Variants in THSD7B observed in about 807,000 individuals in gnomAD.
THSD7B encodes thrombospondin type-1 domain-containing protein 7B.
Under a neutral mutation model 213.6 loss-of-function variants are expected in THSD7B, and 138 were observed. The observed-to-expected ratio is 0.65, with a 90% confidence interval of 0.56 to 0.74. THSD7B has a LOEUF of 0.74. THSD7B is among the 30% of genes least tolerant of loss of function. The pLI is 0.00. For synonymous variants in THSD7B, 742 were observed against 687.0 expected (o/e 1.08, Z -1.25); for missense variants, 1,931 against 1,991.5 (o/e 0.97, Z 0.58).
chr2:137,590,502 G>A (rs749451546), intron 17 of THSD7B, among the ~76,000 whole-genome samples: 14 of 152,026 alleles, frequency 9.2e-5, no homozygotes, highest in African/African-American at 2.2e-4. Flanking sequence ...TGCATGTGTC[G>A]CAATGAGTAT....
chr2:137,443,640 C>T (rs1687466211), intron 14 of THSD7B, among the ~76,000 whole-genome samples: 1 of 151,974 alleles, frequency 6.6e-6, no homozygotes, highest in Non-Finnish European at 1.5e-5. Flanking sequence ...AGTGAACTAT[C>T]TCAACCAAGT....
chr2:137,343,162 G>A (rs561367250), intron 12 of THSD7B, among the ~76,000 whole-genome samples: 1 of 148,326 alleles, frequency 6.7e-6, no homozygotes, highest in African/African-American at 2.5e-5. Flanking sequence ...TTTTTTTGTT[G>A]TTTTTGTTTT....
chr2:136,796,988 A>T (rs1682079141), intron 1 of THSD7B, among the ~76,000 whole-genome samples: 1 of 138,514 alleles, frequency 7.2e-6, no homozygotes, highest in South Asian at 2.2e-4. Context: ...GATCACACAC[A>T]CACACACACA....
intron 15 of THSD7B, among the ~76,000 whole-genome samples, chr2:137,470,200 T>C (rs192682275): frequency 6.6e-4 from 100 of 152,282 alleles, no homozygotes; most frequent in African/African-American, 2.3e-3. Context: ...GAACCTATTA[T>C]TGAATTACAG....
intron 10 of THSD7B, among the ~76,000 whole-genome samples, chr2:137,245,295 T>G (rs1682001785): frequency 6.6e-6 from 1 of 152,196 alleles, no homozygotes. Flanking sequence ...TTGCCTCAGT[T>G]TTCTAATTTG....
chr2:136,882,063 A>G (rs564256246), intron 1 of THSD7B, 81 bp from the exon 2 acceptor site: 11 of 1,138,558 alleles, frequency 9.7e-6, no homozygotes, highest in Admixed American at 3.8e-5. Context: ...TACCATCATA[A>G]TAAAGGTTCT....
At chr2:137,008,507 T>C (rs1686159382) in intron 2 of THSD7B, among the ~76,000 whole-genome samples, 1 of 152,192 alleles carries the variant, frequency 6.6e-6, no homozygotes, top group Admixed American at 6.5e-5. Flanking sequence ...TCTGAAGTGG[T>C]TGGTATAGTA....
intron 1 of THSD7B, among the ~76,000 whole-genome samples, chr2:136,844,498 GA>G (rs375375781): frequency 0.051 from 7,634 of 149,006 alleles, 340 homozygotes; most frequent in African/African-American, 0.12. Context: ...GAGAGAGACA[GA>G]GAGATCGGTT....
At chr2:137,240,027 T>TA (rs2105063037) in intron 9 of THSD7B, among the ~76,000 whole-genome samples, 1 of 152,354 alleles carries the variant, frequency 6.6e-6, no homozygotes, top group African/African-American at 2.4e-5. Context: ...CCTCATGATC[T>TA]AATTATCTCC....
intron 12 of THSD7B, among the ~76,000 whole-genome samples, chr2:137,305,322 G>C (rs1573947378): frequency 6.6e-6 from 1 of 152,220 alleles, no homozygotes; most frequent in East Asian, 1.9e-4. Flanking sequence ...GCTGGAACTG[G>C]TCAATCAGTC....
chr2:137,260,081 T>G lies in THSD7B; in HGVS notation c.2267-12452T>G, dbSNP rs555651245. 3.9e-5 allele frequency among the ~76,000 whole-genome samples: 6 copies of G among 152,240 alleles called. No homozygotes were observed. In the South Asian group the frequency reaches 1.2e-3, roughly 32 times the overall value. The stretch of plus-strand genomic sequence containing the variant: ...AACCGTCTCCTGACTTTAATGCTAT[T>G]TTAGGCATGGATTTATAAAACACTT... On this transcript the variant is annotated intron_variant, in intron 10 of 27. Coordinates refer to ENST00000409968, the MANE Select transcript of THSD7B (RefSeq NM_001316349.2).
intron 12 of THSD7B, among the ~76,000 whole-genome samples, chr2:137,321,212 G>A (rs972656486): frequency 3.9e-5 from 6 of 152,166 alleles, no homozygotes; most frequent in Non-Finnish European, 2.9e-5. Context: ...AACATATGCT[G>A]TAGTTTAGAG....
At chr2:137,615,344 A>G (rs1255190819) in intron 17 of THSD7B, among the ~76,000 whole-genome samples, 2 of 152,192 alleles carry the variant, frequency 1.3e-5, no homozygotes, top group Non-Finnish European at 2.9e-5. Context: ...TTGTTAGAAA[A>G]AAGACTGACA....
intron 26 of THSD7B, among the ~76,000 whole-genome samples, chr2:137,665,086 C>T (rs1419090790): frequency 2.0e-5 from 3 of 152,220 alleles, no homozygotes; most frequent in Admixed American, 6.5e-5. Context: ...TCTTAGTCAA[C>T]TTTTGCTTCC....
intron 5 of THSD7B, among the ~76,000 whole-genome samples, chr2:137,151,032 C>T (rs893956152): frequency 6.6e-6 from 1 of 152,068 alleles, no homozygotes; most frequent in Non-Finnish European, 1.5e-5. Flanking sequence ...GTGAGTGAGT[C>T]CTGAGTGAGT....
chr2:137,487,734 T>TAAGGTGTTTAGCTGCAGATTTCCAA (rs1573655780), intron 15 of THSD7B, among the ~76,000 whole-genome samples: 14 of 57,238 alleles, frequency 2.4e-4, no homozygotes, highest in South Asian at 1.4e-3. Flanking sequence ...TGAGGTTTCT[T>TAAGGTGTTTAGCTGCAGATTTCCAA]TCTTTTTTTT....
At chr2:136,981,079 T>C (rs1685569613) in intron 2 of THSD7B, among the ~76,000 whole-genome samples, 1 of 152,210 alleles carries the variant, frequency 6.6e-6, no homozygotes, top group Non-Finnish European at 1.5e-5. Context: ...CCTCCTGTTT[T>C]ACTTTTATAA....
In THSD7B at chr2:136,890,965, C is replaced by T. The variant is rs558674608; in HGVS notation, c.139+8648C>T. On this transcript the variant is annotated intron_variant, in intron 2 of 27. Coordinates refer to ENST00000409968, the MANE Select transcript of THSD7B (RefSeq NM_001316349.2). Reference sequence around the variant, plus strand: ...CTGATCTTCAATTTTTAGATAATTTCCATATTTGTGTTTTGTTTGTATATT... The same window carrying T: ...CTGATCTTCAATTTTTAGATAATTTTCATATTTGTGTTTTGTTTGTATATT... Among the ~76,000 whole-genome samples the T allele has an allele frequency of 8.6e-5, 13 of 151,984 alleles. No homozygotes were observed. In the South Asian group the frequency reaches 2.7e-3, roughly 32 times the overall value.
chr2:137,200,015 A>C (rs552551925), intron 7 of THSD7B, among the ~76,000 whole-genome samples: 1 of 152,288 alleles, frequency 6.6e-6, no homozygotes, highest in African/African-American at 2.4e-5. Context: ...TCACATAATT[A>C]CATCCTTAAA....
Sources: allele counts gnomAD v4.1 joint callset (sites outside exome capture counted in the v4.1 genomes callset), GRCh38; gene constraint gnomAD v4.1.1; transcripts MANE v1.5; gene names NCBI Gene and HGNC (gene_info 2026-07-23, HGNC 2026-07-21).